Variants in PAK3 observed in about 807,000 individuals in gnomAD.
PAK3 encodes the protein p21 (RAC1) activated kinase 3, also known as serine/threonine-protein kinase PAK 3.
Under a neutral mutation model 41.0 loss-of-function variants are expected in PAK3, and 4 were observed. The ratio of observed to expected loss-of-function variants is 0.10; its 90% CI spans 0.05 to 0.22. PAK3 has a LOEUF of 0.22. Among genes scored for constraint, PAK3 ranks in the 10% least tolerant of loss-of-function variants. The pLI is 1.00. For synonymous variants in PAK3, 146 were observed against 139.6 expected, an observed-to-expected ratio of 1.05 and a Z score of -0.32; for missense variants, 205 against 409.9, an observed-to-expected ratio of 0.50 and a Z score of 4.32.
At chrX:111,117,916 A>C (rs1183485874) in intron 4 of PAK3, among the ~76,000 whole-genome samples, 1 of 111,445 alleles carries the variant, frequency 9.0e-6, no homozygotes, top group African/African-American at 3.3e-5. Flanking sequence ...AGCTGGCTAT[A>C]GTTAGTGGTT....
At chrX:111,032,630 C>T (rs180784342) in intron 1 of PAK3, among the ~76,000 whole-genome samples, 1 of 111,743 alleles carries the variant, frequency 8.9e-6, no homozygotes, top group East Asian at 2.8e-4. Context: ...GAGGCAGGCA[C>T]TTGCAGACCC....
chrX:111,196,783 T>G, intron 16 of PAK3, 143 bp downstream of exon 16: 1 of 429,176 alleles, frequency 2.3e-6, no homozygotes, highest in Non-Finnish European at 4.0e-6. Flanking sequence ...ATTTTCAAAT[T>G]TACTGTAAGC....
At chrX:110,970,682 G>T (rs776292862) in intron 1 of PAK3, among the ~76,000 whole-genome samples, 1 of 111,505 alleles carries the variant, frequency 9.0e-6, no homozygotes, top group Admixed American at 9.5e-5. Flanking sequence ...TTTGAAAGGT[G>T]CAGCAAACCA....
chrX:111,039,977 G>A (rs371653574), intron 1 of PAK3, among the ~76,000 whole-genome samples: 9 of 90,205 alleles, frequency 1.0e-4, no homozygotes, highest in African/African-American at 3.6e-4. Context: ...TAACCACTCT[G>A]GGAAAAGTAG....
intron 8 of PAK3, among the ~76,000 whole-genome samples, chrX:111,155,515 A>AC (rs2094094894): frequency 9.2e-6 from 1 of 108,428 alleles, no homozygotes; most frequent in Non-Finnish European, 1.9e-5. Context: ...AAAAAAAAAA[A>AC]CCCAACAATA....
At position 111,220,572 on chromosome X, in the gene PAK3, A is replaced by T. The variant is rs185172095; in HGVS notation, c.*125A>T. ...GGTTCTTTACCTTTCAAATGAATAG[A>T]AACTTCTTATAAGCCTTTTTCCTAC... is the stretch of plus-strand genomic sequence containing the variant. On this transcript the variant is annotated 3_prime_UTR_variant, in exon 18 of 18. Transcript: ENST00000372007. 2 of 520,981 alleles carry T rather than the reference A, an allele frequency of 3.8e-6. No individual in the cohort carries two copies. Among genetic ancestry groups the T allele is most frequent in the Admixed American group, 5.6e-5 (2 of 35,439 alleles). The allele number at this position is 520,981 out of a possible 1,213,427, so 42.9% of individuals were successfully genotyped here.
intron 1 of PAK3, among the ~76,000 whole-genome samples, chrX:111,035,136 AAAGAAAGAAAGAAAGAAAGG>A (rs1367745768): frequency 1.3e-4 from 4 of 30,667 alleles, no homozygotes; most frequent in Admixed American, 6.7e-4. Flanking sequence ...AAAAAAAAAG[AAAGAAAGAAAGAAAGAAAGG>A]AAGAAAGAAA....
At chrX:111,123,820 C>T (rs146760665) in intron 5 of PAK3, among the ~76,000 whole-genome samples, 2,124 of 111,765 alleles carry the variant, frequency 0.019, 45 homozygotes, top group African/African-American at 0.061. Context: ...TAGACAGCCC[C>T]ATGTGTACTG....
chrX:110,991,162 A>C (rs2091638009), intron 1 of PAK3, among the ~76,000 whole-genome samples: 1 of 110,543 alleles, frequency 9.0e-6, no homozygotes, highest in African/African-American at 3.3e-5. Context: ...AAGAAAACAA[A>C]CCAAGGCAGA....
chrX:111,126,928 G>T, intron 5 of PAK3, among the ~76,000 whole-genome samples: 1 of 110,731 alleles, frequency 9.0e-6, no homozygotes, highest in Non-Finnish European at 1.9e-5. Context: ...GTACCTCTTT[G>T]TCTCATCATA....
intron 5 of PAK3, among the ~76,000 whole-genome samples, chrX:111,137,404 A>G (rs772152114): frequency 4.5e-5 from 5 of 110,945 alleles, no homozygotes; most frequent in Non-Finnish European, 7.6e-5. Flanking sequence ...AAAAATAAAG[A>G]TGCCTAAGGC....
chrX:111,010,803 C>T (rs1036100940), intron 1 of PAK3, among the ~76,000 whole-genome samples: 1 of 111,822 alleles, frequency 8.9e-6, no homozygotes, highest in Non-Finnish European at 1.9e-5. Flanking sequence ...AATGACCAAG[C>T]CTTAGGCATT....
intron 5 of PAK3, among the ~76,000 whole-genome samples, chrX:111,137,501 T>C (rs1228216873): frequency 9.0e-6 from 1 of 110,616 alleles, no homozygotes; most frequent in African/African-American, 3.3e-5. Context: ...TACAGTGAAG[T>C]ATGAAAACCT....
intron 1 of PAK3, among the ~76,000 whole-genome samples, chrX:110,992,738 C>T (rs189677116): frequency 1.8e-5 from 2 of 111,965 alleles, no homozygotes; most frequent in African/African-American, 6.5e-5. Flanking sequence ...CCTCTTCTTG[C>T]AGGACCTTCT....
intron 3 of PAK3, among the ~76,000 whole-genome samples, chrX:111,099,939 C>CT (rs2093093835): frequency 9.2e-6 from 1 of 109,033 alleles, no homozygotes; most frequent in Admixed American, 9.7e-5. Context: ...ATTACCCCTT[C>CT]TTTTTTTGTA....
intron 7 of PAK3, among the ~76,000 whole-genome samples, chrX:111,148,615 A>G (rs2093984524): frequency 1.8e-5 from 2 of 111,560 alleles, no homozygotes. Context: ...CACTTCTTAC[A>G]TGACAGCAGC....
intron 1 of PAK3, among the ~76,000 whole-genome samples, chrX:110,982,419 A>G (rs1034628306): frequency 2.7e-5 from 3 of 112,053 alleles, no homozygotes; most frequent in Non-Finnish European, 5.6e-5. Context: ...GACACTGATC[A>G]TACCTGCCTT....
intron 8 of PAK3, among the ~76,000 whole-genome samples, chrX:111,157,543 C>A (rs988449059): frequency 1.3e-4 from 14 of 111,327 alleles, no homozygotes; most frequent in Non-Finnish European, 2.6e-4. Flanking sequence ...GTAATCCCGG[C>A]ACTTTGGGAG....
intron 4 of PAK3, among the ~76,000 whole-genome samples, chrX:111,111,837 T>C (rs777917886): frequency 5.4e-5 from 6 of 111,506 alleles, no homozygotes; most frequent in Admixed American, 9.5e-5. Context: ...TGATTTCCAT[T>C]TGGGGTCCTG....
Sources: allele counts gnomAD v4.1 joint callset (sites outside exome capture counted in the v4.1 genomes callset), GRCh38; gene constraint gnomAD v4.1.1; transcripts MANE v1.5; gene names NCBI Gene and HGNC (gene_info 2026-07-23, HGNC 2026-07-21).